The following MAD1L1 variants were observed in gnomAD, a reference collection of about 807,000 sequenced individuals.
MAD1L1 encodes mitotic arrest deficient 1 like 1.
A neutral mutation model predicts 96.9 loss-of-function variants in MAD1L1; 95 were observed. The ratio of observed to expected loss-of-function variants is 0.98; its 90% CI spans 0.83 to 1.16. The LOEUF (loss-of-function observed/expected upper bound fraction) is 1.16. MAD1L1 is among the 50% of genes most tolerant of loss of function. The pLI, the probability that MAD1L1 is intolerant of heterozygous loss-of-function variation, is 0.00. For missense variants in MAD1L1, 1,007 were observed against 954.4 expected (o/e 1.06, Z -0.73); for synonymous variants, 473 against 396.6 (o/e 1.19, Z -2.29).
chr7:1,938,953 G>A (rs1259578951), intron 16 of MAD1L1, among the ~76,000 whole-genome samples: 3 of 118,156 alleles, frequency 2.5e-5, no homozygotes, highest in African/African-American at 3.4e-5. Context: ...CGGGACCAGA[G>A]GCGCACACAC....
chr7:2,198,406 C>A (rs533975005), intron 10 of MAD1L1, among the ~76,000 whole-genome samples: 1 of 152,178 alleles, frequency 6.6e-6, no homozygotes, highest in Non-Finnish European at 1.5e-5. Flanking sequence ...GTACACACCC[C>A]CCTTCAAGCA....
At chr7:1,863,092 C>A (rs892538032) in intron 18 of MAD1L1, among the ~76,000 whole-genome samples, 1 of 152,268 alleles carries the variant, frequency 6.6e-6, no homozygotes, top group Admixed American at 6.5e-5. Context: ...CACCCTCCAT[C>A]CAACCCCCCA....
chr7:2,000,038 A>G (rs893308390), intron 14 of MAD1L1, among the ~76,000 whole-genome samples: 5 of 152,104 alleles, frequency 3.3e-5, no homozygotes, highest in Non-Finnish European at 7.4e-5. Flanking sequence ...TCCCAACAAC[A>G]GAAACACCAT....
intron 15 of MAD1L1, among the ~76,000 whole-genome samples, chr7:1,962,135 G>A (rs1306680876): frequency 6.6e-6 from 1 of 152,178 alleles, no homozygotes; most frequent in East Asian, 1.9e-4. Context: ...CTCATCTATT[G>A]TGGGAAGGAC....
At chr7:1,963,200 C>T (rs751758754) in intron 15 of MAD1L1, among the ~76,000 whole-genome samples, 15 of 152,168 alleles carry the variant, frequency 9.9e-5, no homozygotes, top group East Asian at 1.9e-4. Flanking sequence ...ATGTCCATCG[C>T]AAGGGAACGT....
chr7:2,180,664 ATTG>A (rs1464027443), intron 10 of MAD1L1, among the ~76,000 whole-genome samples: 4 of 152,242 alleles, frequency 2.6e-5, no homozygotes, highest in African/African-American at 7.2e-5. Context: ...GGGGATAATA[ATTG>A]TTGTCAGATT....
At chr7:2,206,252 T>C (rs1792591703) in intron 10 of MAD1L1, among the ~76,000 whole-genome samples, 2 of 152,374 alleles carry the variant, frequency 1.3e-5, no homozygotes, top group African/African-American at 2.4e-5. Context: ...TTTGGTCAGA[T>C]ACATGTTAAT....
chr7:2,054,852 G>T (rs947940728), intron 12 of MAD1L1, among the ~76,000 whole-genome samples: 2 of 152,248 alleles, frequency 1.3e-5, no homozygotes, highest in African/African-American at 4.8e-5. Flanking sequence ...CGCTCGGCTG[G>T]GCCGTGCCCT....
chr7:1,998,450 C>G (rs1457638840), intron 14 of MAD1L1, among the ~76,000 whole-genome samples: 3 of 152,232 alleles, frequency 2.0e-5, no homozygotes, highest in African/African-American at 7.2e-5. Context: ...AACTCCATTT[C>G]TAACCCTCCT....
chr7:2,185,911 G>A lies in MAD1L1; in HGVS notation c.986+27301C>T, dbSNP rs573468779. On this transcript the variant is annotated intron_variant, in intron 10 of 18. Transcript: ENST00000265854. ...AGCATTTTCAGAGCCCTTGACCCCA[G>A]TCGGTCCATTAGGGAGGGTGCCTGA... 5.9e-5 allele frequency among the ~76,000 whole-genome samples: 9 copies of A among 152,354 alleles called. 1 individual carries two copies. The South Asian group carries it at 1.9e-3, about 32-fold the overall frequency.
chr7:1,882,497 G>A (rs921072123), intron 18 of MAD1L1, among the ~76,000 whole-genome samples: 6 of 152,302 alleles, frequency 3.9e-5, no homozygotes, highest in East Asian at 1.9e-4. Flanking sequence ...TGAGGGGCGC[G>A]CGGGCCGTGT....
At chr7:1,885,220 C>T (rs752990946) in intron 18 of MAD1L1, among the ~76,000 whole-genome samples, 3 of 152,138 alleles carry the variant, frequency 2.0e-5, no homozygotes, top group Non-Finnish European at 1.5e-5. Flanking sequence ...ACAGACACTA[C>T]TTTCAAGGAA....
chr7:1,832,998 G>T lies in MAD1L1; in HGVS notation c.1999-16770C>A, dbSNP rs547686942. 1.1e-3 allele frequency among the ~76,000 whole-genome samples: 172 copies of T among 152,174 alleles called. 1 individual carries two copies. The highest frequency in any genetic ancestry group is 3.4e-3 in the Middle Eastern group (1 of 292). On this transcript the variant is annotated intron_variant, in intron 18 of 18. Transcript: ENST00000265854. ...CAGCAACCACCACCCTGATCTGTCA[G>T]CAGCCATCACCATCAAAGCAAGAAC...
intron 15 of MAD1L1, among the ~76,000 whole-genome samples, chr7:1,970,932 T>C (rs1374344430): frequency 6.6e-6 from 1 of 152,214 alleles, no homozygotes; most frequent in East Asian, 1.9e-4. Flanking sequence ...TCGCCGACCA[T>C]GAACTCAGGT....
chr7:2,179,482 C>T (rs994269387), intron 10 of MAD1L1, among the ~76,000 whole-genome samples: 1 of 150,088 alleles, frequency 6.7e-6, no homozygotes, highest in Non-Finnish European at 1.5e-5. Flanking sequence ...GAGCCAAGAT[C>T]GCGCCATTGC....
chr7:2,200,781 G>T (rs1012991866), intron 10 of MAD1L1, among the ~76,000 whole-genome samples: 1 of 152,208 alleles, frequency 6.6e-6, no homozygotes, highest in Non-Finnish European at 1.5e-5. Context: ...GCCACTGAGC[G>T]TGCAAAGGCT....
intron 17 of MAD1L1, among the ~76,000 whole-genome samples, chr7:1,906,811 C>T (rs1221182886): frequency 4.6e-5 from 7 of 152,234 alleles, no homozygotes; most frequent in African/African-American, 7.2e-5. Flanking sequence ...CCTGCCCCTG[C>T]GCAAGCTACA....
intron 15 of MAD1L1, among the ~76,000 whole-genome samples, chr7:1,964,643 G>A (rs1461520580): frequency 6.6e-6 from 1 of 152,174 alleles, no homozygotes; most frequent in Non-Finnish European, 1.5e-5. Context: ...TTAAACACGA[G>A]GAGCGCTACA....
intron 12 of MAD1L1, among the ~76,000 whole-genome samples, chr7:2,036,398 C>T (rs998506063): frequency 7.2e-5 from 11 of 152,250 alleles, no homozygotes; most frequent in African/African-American, 2.7e-4. Flanking sequence ...CGATGCATTC[C>T]TGCGCCACCT....
Sources: allele counts gnomAD v4.1 joint callset (sites outside exome capture counted in the v4.1 genomes callset), GRCh38; gene constraint gnomAD v4.1.1; transcripts MANE v1.5; gene names NCBI Gene and HGNC (gene_info 2026-07-23, HGNC 2026-07-21).